Variants in STRBP observed in about 807,000 individuals in gnomAD.
The protein encoded by STRBP is spermatid perinuclear RNA-binding protein.
In STRBP, 13 loss-of-function variants were observed where a neutral mutation model predicts 80.1. The ratio of observed to expected loss-of-function variants is 0.16; its 90% CI spans 0.11 to 0.26. The LOEUF is 0.26. STRBP is among the 10% of genes least tolerant of loss of function. STRBP has a pLI of 1.00. For synonymous variants in STRBP, 284 were observed against 291.2 expected, an observed-to-expected ratio of 0.98 and a Z score of 0.25; for missense variants, 485 against 815.2, an observed-to-expected ratio of 0.59 and a Z score of 4.93.
intron 1 of STRBP, among the ~76,000 whole-genome samples, chr9:123,251,496 A>C (rs2040915981): frequency 1.3e-5 from 2 of 152,224 alleles, no homozygotes; most frequent in South Asian, 4.1e-4. Flanking sequence ...CCACTTTACC[A>C]GGTAACCTTC....
intron 3 of STRBP, among the ~76,000 whole-genome samples, chr9:123,181,241 TAGTG>T (rs1419307343): frequency 6.6e-6 from 1 of 152,168 alleles, no homozygotes; most frequent in Non-Finnish European, 1.5e-5. Flanking sequence ...TTTAAACACT[TAGTG>T]AGACATATTC....
chr9:123,216,676 C>T (rs2039908425), intron 2 of STRBP, among the ~76,000 whole-genome samples: 1 of 152,158 alleles, frequency 6.6e-6, no homozygotes, highest in Non-Finnish European at 1.5e-5. Flanking sequence ...GGGAACTACC[C>T]ATATAAATAG....
chr9:123,207,524 C>T (rs540913758), intron 2 of STRBP, among the ~76,000 whole-genome samples: 1 of 151,654 alleles, frequency 6.6e-6, no homozygotes, highest in African/African-American at 2.4e-5. Context: ...AAAGTAATGA[C>T]AAAAAATTCA....
intron 1 of STRBP, among the ~76,000 whole-genome samples, chr9:123,259,357 G>A (rs1047849555): frequency 5.3e-5 from 8 of 152,180 alleles, no homozygotes; most frequent in African/African-American, 1.9e-4. Context: ...GAAGATATAA[G>A]AGATGTCAGG....
chr9:123,184,129 T>C lies in STRBP; in HGVS notation c.3+3A>G, dbSNP rs1313969181. The C allele has an allele frequency of 1.9e-6, 3 of 1,609,668 alleles. No homozygotes were observed. Among genetic ancestry groups the C allele is most frequent in the Non-Finnish European group, 1.7e-6 (2 of 1,177,478 alleles). On this transcript the variant is annotated splice_donor_region_variant and intron_variant, in intron 3 of 18. Transcript: ENST00000348403. ...AATTATGAAAATATCCACAATAACC[T>C]ACCATGGTTTTCTATAGTATTTTAG...
chr9:123,136,387 T>G lies in STRBP; in HGVS notation c.1626A>C (p.Val542=). ...CTTGTGTCTGGGTACACACCTCCAT[T>G]ACAAAGCGCTTGTCATGGCTTCCAC... ...ETGGSHDKRF[V]MEVEVDGQKF... The change falls in exon 15 of 19, where the codon GTA becomes GTC. Residue 542 remains valine (V), a synonymous_variant. Coordinates refer to ENST00000348403, the MANE Select transcript of STRBP (RefSeq NM_018387.5). This position sits in a 1 kb window ranked among gnomAD's most constrained non-coding sequence, Gnocchi z 4.2. 1 of 1,614,082 alleles carries G rather than the reference T, an allele frequency of 6.2e-7. No individual in the cohort carries two copies. The highest frequency in any genetic ancestry group is 8.5e-7 in the Non-Finnish European group (1 of 1,179,996).
intron 2 of STRBP, among the ~76,000 whole-genome samples, chr9:123,210,813 A>G (rs1453580595): frequency 7.0e-6 from 1 of 143,422 alleles, no homozygotes; most frequent in Non-Finnish European, 1.5e-5. Context: ...TGGGCAACAG[A>G]GCAAGAATCC....
chr9:123,202,955 T>G (rs1195625061), intron 2 of STRBP, among the ~76,000 whole-genome samples: 1 of 152,318 alleles, frequency 6.6e-6, no homozygotes, highest in Non-Finnish European at 1.5e-5. Flanking sequence ...CATCTCTCAC[T>G]TGGATTATAC....
chr9:123,187,417 A>G (rs2038742531), intron 2 of STRBP, among the ~76,000 whole-genome samples: 1 of 152,240 alleles, frequency 6.6e-6, no homozygotes, highest in African/African-American at 2.4e-5. Flanking sequence ...TGGACAGGTT[A>G]TATAAAAATA....
chr9:123,111,726 C>G (rs185428648), intron 3 of STRBP: 2 of 397,554 alleles, frequency 5.0e-6, no homozygotes, highest in East Asian at 1.8e-4. Flanking sequence ...TGTGCCGGCT[C>G]CAGTTTGTCA....
At chr9:123,152,874 G>A (rs1416604027) in intron 11 of STRBP, among the ~76,000 whole-genome samples, 2 of 152,172 alleles carry the variant, frequency 1.3e-5, no homozygotes, top group Admixed American at 6.5e-5. Flanking sequence ...CACACGCACT[G>A]TATCACTGTC....
chr9:123,218,401 C>T (rs546509907), intron 2 of STRBP, among the ~76,000 whole-genome samples: 8 of 124,612 alleles, frequency 6.4e-5, no homozygotes, highest in East Asian at 2.3e-4. Context: ...CTCGCTCTGT[C>T]GCCCAGGCCG....
At chr9:123,257,427 CACACACACACAG>C (rs1206438505) in intron 1 of STRBP, among the ~76,000 whole-genome samples, 1 of 152,026 alleles carries the variant, frequency 6.6e-6, no homozygotes, top group East Asian at 1.9e-4. Context: ...AACACACACA[CACACACACACAG>C]ACACACACAC....
chr9:123,264,414 T>A (rs1201435648), intron 1 of STRBP, among the ~76,000 whole-genome samples: 1 of 152,242 alleles, frequency 6.6e-6, no homozygotes, highest in Non-Finnish European at 1.5e-5. Context: ...AAGTTTCATC[T>A]CTATCCAACT....
chr9:123,189,865 T>A (rs1411547054), intron 2 of STRBP, among the ~76,000 whole-genome samples: 3 of 151,532 alleles, frequency 2.0e-5, no homozygotes, highest in Admixed American at 6.6e-5. Flanking sequence ...AATAAAAATT[T>A]AAAAAAAGAA....
chr9:123,160,959 T>C lies in STRBP; in HGVS notation c.627+18A>G, dbSNP rs779784141. 4 of 1,574,646 alleles carry C rather than the reference T, an allele frequency of 2.5e-6. No individual in the cohort carries two copies. The highest frequency in any genetic ancestry group is 2.4e-5 in the South Asian group (2 of 83,740). ...TGGACAAACTTTAATAACAATAAGA[T>C]AGTAAGAAAAAGCCAACCTGAAACC... On this transcript the variant is annotated intron_variant, in intron 7 of 18. Transcript: ENST00000348403.
intron 2 of STRBP, among the ~76,000 whole-genome samples, chr9:123,215,508 A>G (rs947035347): frequency 1.4e-4 from 21 of 152,216 alleles, no homozygotes; most frequent in Non-Finnish European, 2.9e-5. Context: ...TAAAAATTCA[A>G]TAAGGCCAGG....
At chr9:123,180,988 A>G (rs1049335778) in intron 3 of STRBP, 10 of 949,898 alleles carry the variant, frequency 1.1e-5, no homozygotes, top group Non-Finnish European at 1.3e-5. Context: ...ATGTTTAAAA[A>G]TCACATTATT....
At chr9:123,204,612 A>G (rs2039446316) in intron 2 of STRBP, among the ~76,000 whole-genome samples, 1 of 152,202 alleles carries the variant, frequency 6.6e-6, no homozygotes, top group Admixed American at 6.5e-5. Flanking sequence ...GTAATGTGCC[A>G]AGAAACAGTT....
Sources: gnomAD v4.1 joint callset for allele counts (sites outside exome capture counted in the v4.1 genomes callset) on GRCh38, gnomAD v4.1.1 for gene constraint, Gnocchi (gnomAD v3.1) non-coding constraint, MANE v1.5 for transcripts, NCBI Gene and HGNC (gene_info 2026-07-23, HGNC 2026-07-21) for gene names.